Variants in OTOP3 observed in about 807,000 individuals in gnomAD.
The protein encoded by OTOP3 is otopetrin 3, also known as proton channel OTOP3.
A neutral mutation model predicts 50.8 loss-of-function variants in OTOP3; 41 were observed. The ratio of observed to expected loss-of-function variants is 0.81; its 90% CI spans 0.63 to 1.05. The LOEUF (loss-of-function observed/expected upper bound fraction) is 1.05, where lower values mean the gene tolerates loss of function less well. OTOP3 is among the 50% of genes least tolerant of loss of function. The probability of loss-of-function intolerance (pLI) is 0.00; values close to 1 mark genes in which losing one functional copy is unlikely to be tolerated. For synonymous variants in OTOP3, 320 were observed against 324.4 expected (o/e 0.99, Z 0.14); for missense variants, 788 against 760.8 (o/e 1.04, Z -0.42).
rs527675019 is a variant in OTOP3 at position 74,949,756 on chromosome 17, T to A, written c.*340T>A. 9.5e-6 allele frequency: 2 copies of A among 210,436 alleles called. No homozygotes were observed. The highest frequency in any genetic ancestry group is 2.2e-4 in the East Asian group (2 of 8,966). The allele number at this position is 210,436 out of a possible 1,614,324, so 13.0% of individuals were successfully genotyped here. A position where few individuals can be genotyped will look rare whatever the true frequency, so the allele number is the denominator to read the frequency against. ...AGGGTCAGACCTACATGACCGAGTC[T>A]GGGGAGCTTGGCGAGGGGCACCCCT... is the stretch of plus-strand genomic sequence containing the variant. On this transcript the variant is annotated 3_prime_UTR_variant, in exon 7 of 7. Coordinates refer to ENST00000328801, the MANE Select transcript of OTOP3 (RefSeq NM_001272005.2).
chr17:74,943,724 G>C lies in OTOP3; in HGVS notation c.751G>C (p.Gly251Arg). 1 of 1,598,020 alleles carries C rather than the reference G, an allele frequency of 6.3e-7. No individual in the cohort carries two copies. The highest frequency in any genetic ancestry group is 8.5e-7 in the Non-Finnish European group (1 of 1,173,054). ...TGGCATCCTCATGGAAAAATCCACA[G>C]GTATGGAAAGGAGACCAGGTCTTCC... is the stretch of plus-strand genomic sequence containing the variant. ...ELGILMEKST[G>R]NETNTCLCLN... Residue 251 changes from glycine (G) to arginine (R), a missense_variant and splice_region_variant, in exon 5 of 7, where the codon GGC (glycine) becomes CGC (arginine). Gly to Arg is a moderately radical substitution (Grantham distance 125). Coordinates refer to ENST00000328801, the MANE Select transcript of OTOP3 (RefSeq NM_001272005.2).
At chr17:74,942,817 C>T (rs199682452) in intron 3 of OTOP3, among the ~76,000 whole-genome samples, 3 of 151,938 alleles carry the variant, frequency 2.0e-5, no homozygotes, top group East Asian at 1.9e-4. Context: ...TGGTGGCAGG[C>T]GCCTGTAGTC....
At chr17:74,940,172 G>A (rs118175602) in intron 1 of OTOP3, among the ~76,000 whole-genome samples, 1 of 99,964 alleles carries the variant, frequency 1.0e-5, no homozygotes, top group Non-Finnish European at 2.1e-5. Context: ...CGGCTTTTTT[G>A]TTTTTTTTTT....
At position 74,937,835 on chromosome 17, in the gene OTOP3, C is replaced by T. The variant is rs147817727; in HGVS notation, c.19+1895C>T. 5.3e-5 allele frequency among the ~76,000 whole-genome samples: 8 copies of T among 152,280 alleles called. No homozygotes were observed. The East Asian group carries it at 1.2e-3, about 22-fold the overall frequency. On this transcript the variant is annotated intron_variant, in intron 1 of 6. Coordinates refer to ENST00000328801, the MANE Select transcript of OTOP3 (RefSeq NM_001272005.2). The stretch of plus-strand genomic sequence containing the variant: ...CCCACAGCACACCAAACAGGGCACA[C>T]CTCTCAATAGAGGGGAGTGGCCCCA...
intron 5 of OTOP3, among the ~76,000 whole-genome samples, chr17:74,944,025 C>T (rs551474203): frequency 6.6e-6 from 1 of 152,306 alleles, no homozygotes; most frequent in East Asian, 1.9e-4. Context: ...GTATGCACCC[C>T]GCCCGTGGCA....
At position 74,946,873 on chromosome 17, in the gene OTOP3, G is replaced by C. The variant is rs532441925; in HGVS notation, c.964G>C (p.Gly322Arg). 1 of 1,610,866 alleles carries C rather than the reference G, an allele frequency of 6.2e-7. No homozygotes were observed. The highest frequency in any genetic ancestry group is 8.5e-7 in the Non-Finnish European group (1 of 1,179,996). ...APFHLHGAIF[G>R]PLLGLLVLLA... ...CTTCCACCTGCACGGGGCCATCTTC[G>C]GGCCGCTGCTGGGCCTGCTGGTGCT... The change falls in exon 6 of 7, where the codon GGG (glycine) becomes CGG (arginine). Residue 322 changes from glycine to arginine, a missense_variant. Coordinates refer to ENST00000328801, the MANE Select transcript of OTOP3 (RefSeq NM_001272005.2).
intron 1 of OTOP3, among the ~76,000 whole-genome samples, chr17:74,936,692 C>G (rs1342218636): frequency 6.6e-6 from 1 of 152,178 alleles, no homozygotes; most frequent in African/African-American, 2.4e-5. Context: ...GCAAAGACCC[C>G]AGAGGAAGGG....
In OTOP3 at chr17:74,949,507, G is replaced by C; in HGVS notation, c.*91G>C. 6.9e-7 allele frequency: 1 copy of C among 1,449,144 alleles called. No homozygotes were observed. Among genetic ancestry groups the C allele is most frequent in the South Asian group, 1.3e-5 (1 of 77,602 alleles). The allele number at this position is 1,449,144 out of a possible 1,614,324, so 89.8% of individuals were successfully genotyped here. On this transcript the variant is annotated 3_prime_UTR_variant, in exon 7 of 7. Coordinates refer to ENST00000328801, the MANE Select transcript of OTOP3 (RefSeq NM_001272005.2). The stretch of plus-strand genomic sequence containing the variant: ...AGCAGATGCCTCATTCTGAGGTGCC[G>C]AGACCAGCCTGAGGCTCTCAAGGCC...
chr17:74,945,394 T>C (rs950079703), intron 5 of OTOP3, among the ~76,000 whole-genome samples: 2 of 152,196 alleles, frequency 1.3e-5, no homozygotes, highest in Non-Finnish European at 2.9e-5. Context: ...CCCAGAAATG[T>C]CTTTTACAGA....
At chr17:74,935,855 G>T, upstream of OTOP3, 1 of 1,533,878 alleles carries the variant, frequency 6.5e-7, no homozygotes, top group African/African-American at 1.4e-5. Context: ...GGAGGGCGTC[G>T]CGGGCATCGG....
At chr17:74,937,463 A>G (rs2144776663) in intron 1 of OTOP3, among the ~76,000 whole-genome samples, 1 of 152,220 alleles carries the variant, frequency 6.6e-6, no homozygotes. Context: ...TGGGGGCTGG[A>G]GGAGAGGGTG....
At chr17:74,945,780 TG>T in intron 5 of OTOP3, among the ~76,000 whole-genome samples, 1 of 152,164 alleles carries the variant, frequency 6.6e-6, no homozygotes, top group East Asian at 1.9e-4. Flanking sequence ...TGAGGGTTCT[TG>T]GGGTTTCGGT....
At chr17:74,947,534 C>G (rs1165696680) in intron 6 of OTOP3, 59 bp downstream of exon 6, 19 of 1,449,680 alleles carry the variant, frequency 1.3e-5, no homozygotes, top group Non-Finnish European at 1.7e-5. Context: ...CCCAGAAAGC[C>G]TCACTCAGGA....
At chr17:74,936,939 C>T in intron 1 of OTOP3, among the ~76,000 whole-genome samples, 1 of 145,284 alleles carries the variant, frequency 6.9e-6, no homozygotes, top group Non-Finnish European at 1.5e-5. Flanking sequence ...AGCCCCTATT[C>T]GGCATTCATC....
chr17:74,949,417 G>C lies in OTOP3; in HGVS notation c.*1G>C, dbSNP rs760405326. On this transcript the variant is annotated 3_prime_UTR_variant, in exon 7 of 7. Transcript: ENST00000328801. Reference sequence around the variant, plus strand: ...GGTGGAGGTCTACCTGGGGGCCTGAGGCTGCCCACCCCCGGCAGAACCTCG... The same window carrying C: ...GGTGGAGGTCTACCTGGGGGCCTGACGCTGCCCACCCCCGGCAGAACCTCG... 6.2e-7 allele frequency: 1 copy of C among 1,611,804 alleles called. No individual in the cohort carries two copies. The highest frequency in any genetic ancestry group is 8.5e-7 in the Non-Finnish European group (1 of 1,179,290).
At chr17:74,949,107 G>A in intron 6 of OTOP3, 139 bp from the exon 7 acceptor site, 1 of 834,428 alleles carries the variant, frequency 1.2e-6, no homozygotes, top group South Asian at 1.7e-5. Context: ...CACGCTGAAA[G>A]CCCAAGGGTT....
intron 1 of OTOP3, among the ~76,000 whole-genome samples, chr17:74,940,921 A>G (rs532660390): frequency 2.0e-5 from 3 of 152,266 alleles, no homozygotes; most frequent in African/African-American, 7.2e-5. Context: ...TCTACAAGAC[A>G]TTTTAGGCAA....
At chr17:74,937,243 G>A (rs2039128364) in intron 1 of OTOP3, among the ~76,000 whole-genome samples, 1 of 152,128 alleles carries the variant, frequency 6.6e-6, no homozygotes. Context: ...GGAATTACAG[G>A]CGTGAGCCAC....
intron 1 of OTOP3, among the ~76,000 whole-genome samples, chr17:74,938,423 C>T (rs968603762): frequency 1.1e-4 from 17 of 152,086 alleles, no homozygotes; most frequent in Admixed American, 3.3e-4. Context: ...GGAATGCTGA[C>T]GAGGGAAGGC....
Sources: allele counts gnomAD v4.1 joint callset (sites outside exome capture counted in the v4.1 genomes callset), GRCh38; gene constraint gnomAD v4.1.1; transcripts MANE v1.5; gene names NCBI Gene and HGNC (gene_info 2026-07-23, HGNC 2026-07-21).